RYR3: variants seen among roughly 807,000 people sequenced by gnomAD.
RYR3 encodes ryanodine receptor 3, also known as brain ryanodine receptor-calcium release channel.
Under a neutral mutation model 584.3 loss-of-function variants are expected in RYR3, and 207 were observed. That is an observed-to-expected ratio of 0.35 (90% CI 0.32 to 0.40). The LOEUF (loss-of-function observed/expected upper bound fraction) is 0.40, where lower values mean the gene tolerates loss of function less well. RYR3 is among the 10% of genes least tolerant of loss of function. The probability of loss-of-function intolerance (pLI) is 1.00; values close to 1 mark genes in which losing one functional copy is unlikely to be tolerated. For synonymous variants in RYR3, 2,416 were observed against 2,248.5 expected, an observed-to-expected ratio of 1.07 and a Z score of -2.11; for missense variants, 5,616 against 6,089.2, an observed-to-expected ratio of 0.92 and a Z score of 2.59.
At chr15:33,374,844 G>T (rs1286071948) in intron 1 of RYR3, among the ~76,000 whole-genome samples, 1 of 152,174 alleles carries the variant, frequency 6.6e-6, no homozygotes, top group Non-Finnish European at 1.5e-5. Context: ...CTGCTCCATG[G>T]CTGTGGCTCT....
chr15:33,499,763 C>T (rs944846170), intron 2 of RYR3, among the ~76,000 whole-genome samples: 2 of 152,164 alleles, frequency 1.3e-5, no homozygotes, highest in Non-Finnish European at 2.9e-5. Flanking sequence ...ATTCAGCTAG[C>T]GAATAGTCGA....
chr15:33,659,048 C>T (rs1450402598), intron 32 of RYR3, among the ~76,000 whole-genome samples: 2 of 152,208 alleles, frequency 1.3e-5, no homozygotes, highest in African/African-American at 4.8e-5. Flanking sequence ...CTTCACAGAA[C>T]ATTTGGCAAT....
chr15:33,694,605 A>G (rs1596195048), intron 38 of RYR3, among the ~76,000 whole-genome samples: 3 of 152,170 alleles, frequency 2.0e-5, no homozygotes, highest in South Asian at 4.1e-4. Context: ...AAATATATAC[A>G]TGTGAATTAA....
chr15:33,622,801 G>T (rs563427756), intron 19 of RYR3, among the ~76,000 whole-genome samples: 2 of 152,140 alleles, frequency 1.3e-5, no homozygotes, highest in Non-Finnish European at 2.9e-5. Flanking sequence ...ATTTAATGTG[G>T]TTGCAGTTGA....
chr15:33,682,677 G>A lies in RYR3; in HGVS notation c.5860+12121G>A, dbSNP rs570292008. ...ATTTCTCATCAGAAAACATGTGCCT[G>A]GCAACATATTTTTCTTTCTTGTCCC... On this transcript the variant is annotated intron_variant, in intron 38 of 103. Transcript: ENST00000634891. Among the ~76,000 whole-genome samples the A allele has an allele frequency of 7.2e-5, 11 of 152,228 alleles. No individual in the cohort carries two copies. In the South Asian group the frequency reaches 1.7e-3, roughly 23 times the overall value.
chr15:33,527,291 T>C lies in RYR3; in HGVS notation c.280-3301T>C, dbSNP rs150311286. Among the ~76,000 whole-genome samples, 18 of 152,202 alleles carry C rather than the reference T, an allele frequency of 1.2e-4. No individual in the cohort carries two copies. In the East Asian group the frequency reaches 3.5e-3, roughly 29 times the overall value. ...CTTTAAAAAATAAAATAAAATAAAA[T>C]ACATTAAGGCCGGGCATGGTAGCTC... On this transcript the variant is annotated intron_variant, in intron 3 of 103. Transcript: ENST00000634891.
At chr15:33,728,809 A>G (rs1474579196) in intron 46 of RYR3, 48 bp from the exon 47 acceptor site, 8 of 1,555,328 alleles carry the variant, frequency 5.1e-6, no homozygotes, top group Non-Finnish European at 7.0e-6. Flanking sequence ...ATCTTTTGAG[A>G]CTTTGGAGAC....
intron 16 of RYR3, among the ~76,000 whole-genome samples, chr15:33,591,687 C>A (rs2059137028): frequency 6.6e-6 from 1 of 152,218 alleles, no homozygotes; most frequent in South Asian, 2.1e-4. Flanking sequence ...CTCAAAGTTG[C>A]CATAGATAAA....
chr15:33,768,834 A>G, intron 61 of RYR3, 127 bp downstream of exon 61: 2 of 907,446 alleles, frequency 2.2e-6, no homozygotes, highest in South Asian at 1.4e-5. Flanking sequence ...AATTTGCCAT[A>G]GAAAATTGAT....
intron 41 of RYR3, 61 bp downstream of exon 41, chr15:33,699,894 C>G (rs2066175979): frequency 2.6e-6 from 4 of 1,561,488 alleles, no homozygotes; most frequent in Non-Finnish European, 3.5e-6. Context: ...CCCCTTTTGA[C>G]CACTTAGGAA....
intron 1 of RYR3, among the ~76,000 whole-genome samples, chr15:33,327,346 A>G (rs972886946): frequency 1.2e-4 from 19 of 152,212 alleles, no homozygotes; most frequent in Non-Finnish European, 2.8e-4. Context: ...GCAGAAAGCC[A>G]CGAATCCATG....
intron 3 of RYR3, among the ~76,000 whole-genome samples, chr15:33,514,182 G>A (rs1331062944): frequency 1.3e-5 from 2 of 152,198 alleles, no homozygotes; most frequent in African/African-American, 4.8e-5. Flanking sequence ...TGATTTTAGA[G>A]TTTTTAGGCA....
At chr15:33,734,863 G>A (rs1414712566) in intron 48 of RYR3, among the ~76,000 whole-genome samples, 1 of 151,640 alleles carries the variant, frequency 6.6e-6, no homozygotes, top group Non-Finnish European at 1.5e-5. Flanking sequence ...CTAATTTTTT[G>A]TATTTTTAGT....
intron 59 of RYR3, among the ~76,000 whole-genome samples, chr15:33,756,939 G>C (rs1157673104): frequency 6.6e-6 from 1 of 152,138 alleles, no homozygotes; most frequent in Non-Finnish European, 1.5e-5. Flanking sequence ...CTGCAAGGGA[G>C]ACTGGGTGAT....
chr15:33,738,323 C>A, intron 49 of RYR3, 127 bp from the exon 50 acceptor site: 1 of 942,686 alleles, frequency 1.1e-6, no homozygotes. Context: ...TTGTAGACAG[C>A]CCAGCTGTTT....
intron 1 of RYR3, among the ~76,000 whole-genome samples, chr15:33,400,460 T>G (rs1229845965): frequency 6.6e-6 from 1 of 152,208 alleles, no homozygotes; most frequent in Admixed American, 6.5e-5. Context: ...CACCTGAGTC[T>G]TTTTGCATTC....
chr15:33,430,913 C>T (rs559344524), intron 1 of RYR3, among the ~76,000 whole-genome samples: 5 of 152,242 alleles, frequency 3.3e-5, no homozygotes, highest in East Asian at 3.9e-4. Context: ...CTCCAACTGC[C>T]GGCAGCCTCA....
chr15:33,736,911 G>A (rs746220549), intron 49 of RYR3, among the ~76,000 whole-genome samples: 1 of 151,998 alleles, frequency 6.6e-6, no homozygotes, highest in Non-Finnish European at 1.5e-5. Flanking sequence ...ACTATGCCCA[G>A]CTAATTTTTG....
intron 43 of RYR3, among the ~76,000 whole-genome samples, chr15:33,707,783 AAG>A: frequency 6.6e-6 from 1 of 152,260 alleles, no homozygotes; most frequent in East Asian, 1.9e-4. Context: ...GGTGATCTCA[AAG>A]AGAGATTGCA....
Sources: allele counts gnomAD v4.1 joint callset (sites outside exome capture counted in the v4.1 genomes callset), GRCh38; gene constraint gnomAD v4.1.1; transcripts MANE v1.5; gene names NCBI Gene and HGNC (gene_info 2026-07-23, HGNC 2026-07-21).